MGAT4C: variants seen among roughly 807,000 people sequenced by gnomAD.
MGAT4C encodes alpha-1,3-mannosyl-glycoprotein 4-beta-N-acetylglucosaminyltransferase C.
In MGAT4C, 19 loss-of-function variants were observed where a neutral mutation model predicts 40.1. The observed-to-expected ratio is 0.47, with a 90% CI of 0.33 to 0.70. The LOEUF is 0.70. MGAT4C is among the 30% of genes least tolerant of loss of function. The pLI, the probability that MGAT4C is intolerant of heterozygous loss-of-function variation, is 0.02. For synonymous variants in MGAT4C, 181 were observed against 187.1 expected (o/e 0.97, Z 0.27); for missense variants, 491 against 563.2 (o/e 0.87, Z 1.30).
intron 1 of MGAT4C, among the ~76,000 whole-genome samples, chr12:86,187,697 A>T (rs1288829852): frequency 2.0e-5 from 3 of 151,874 alleles, no homozygotes; most frequent in Admixed American, 6.6e-5. Flanking sequence ...TTCTAATCAG[A>T]CACAATGCTA....
chr12:86,737,321 T>C (rs1328325609), intron 1 of MGAT4C, among the ~76,000 whole-genome samples: 1 of 148,582 alleles, frequency 6.7e-6, no homozygotes, highest in African/African-American at 2.5e-5. Flanking sequence ...GCACCATTGA[T>C]GAGTCTAGCC....
intron 1 of MGAT4C, among the ~76,000 whole-genome samples, chr12:86,750,086 A>T (rs1026827009): frequency 6.6e-6 from 1 of 151,866 alleles, no homozygotes; most frequent in Admixed American, 6.6e-5. Flanking sequence ...AATTTAGACA[A>T]ATGGGAAGAT....
At chr12:86,365,875 T>C (rs1955581875) in intron 3 of MGAT4C, among the ~76,000 whole-genome samples, 1 of 152,172 alleles carries the variant, frequency 6.6e-6, no homozygotes, top group Non-Finnish European at 1.5e-5. Context: ...ATTTCAGCAC[T>C]GTTTTAGTTC....
chr12:86,413,946 G>C (rs1455449919), intron 3 of MGAT4C, among the ~76,000 whole-genome samples: 1 of 152,038 alleles, frequency 6.6e-6, no homozygotes, highest in Admixed American at 6.6e-5. Flanking sequence ...GTTTTGTTCA[G>C]TAACTATTTT....
In MGAT4C at chr12:85,962,057, A is replaced by G. The variant is rs1474542729; in HGVS notation, c.*17232T>C. On this transcript the variant is annotated 3_prime_UTR_variant, in exon 5 of 5. Coordinates refer to ENST00000611864, the MANE Select transcript of MGAT4C (RefSeq NM_001351288.2). ...TCCCCTTAGAAACTCTTAAATCTTC[A>G]ATTTATAAAAGTCATCCTAAGACGT... 1 of 151,904 alleles carries G rather than the reference A, an allele frequency of 6.6e-6. No homozygotes were observed. The highest frequency in any genetic ancestry group is 1.5e-5 in the Non-Finnish European group (1 of 67,816). The allele number at this position is 151,904 out of a possible 1,614,324, so 9.4% of individuals were successfully genotyped here.
chr12:86,073,107 G>A (rs111533535), intron 1 of MGAT4C, among the ~76,000 whole-genome samples: 1 of 152,106 alleles, frequency 6.6e-6, no homozygotes, highest in Non-Finnish European at 1.5e-5. Flanking sequence ...AATCATGGGG[G>A]TGGTTTTCCT....
intron 2 of MGAT4C, among the ~76,000 whole-genome samples, chr12:86,495,048 A>C (rs1431664660): frequency 6.6e-6 from 1 of 152,098 alleles, no homozygotes; most frequent in Non-Finnish European, 1.5e-5. Flanking sequence ...CTTATGATCT[A>C]GCAATTCCAC....
intron 2 of MGAT4C, among the ~76,000 whole-genome samples, chr12:86,726,599 C>T (rs895118797): frequency 6.6e-6 from 1 of 152,080 alleles, no homozygotes; most frequent in Non-Finnish European, 1.5e-5. Context: ...TAGAGTACAA[C>T]TGTAGTGAAT....
intron 1 of MGAT4C, among the ~76,000 whole-genome samples, chr12:86,129,115 A>T (rs1248085603): frequency 6.6e-6 from 1 of 151,536 alleles, no homozygotes; most frequent in Non-Finnish European, 1.5e-5. Flanking sequence ...AGAGAGACTG[A>T]GGGGTTGAGG....
intron 2 of MGAT4C, among the ~76,000 whole-genome samples, chr12:86,509,275 A>G (rs143853007): frequency 5.0e-4 from 76 of 152,324 alleles, no homozygotes; most frequent in African/African-American, 1.7e-3. Flanking sequence ...AGCTTTCTAC[A>G]TATGGCTAGC....
At chr12:86,214,266 G>T (rs1332641560) in intron 1 of MGAT4C, among the ~76,000 whole-genome samples, 2 of 152,054 alleles carry the variant, frequency 1.3e-5, no homozygotes, top group Non-Finnish European at 2.9e-5. Flanking sequence ...GTCATTCTCT[G>T]CTCAGATCAA....
At chr12:86,739,675 T>C (rs964901004) in intron 1 of MGAT4C, among the ~76,000 whole-genome samples, 2 of 151,094 alleles carry the variant, frequency 1.3e-5, no homozygotes, top group Non-Finnish European at 3.0e-5. Context: ...ATTTATACTA[T>C]AAATGAGGAT....
At chr12:86,801,720 G>A (rs1049803676) in intron 1 of MGAT4C, among the ~76,000 whole-genome samples, 1 of 151,794 alleles carries the variant, frequency 6.6e-6, no homozygotes, top group African/African-American at 2.4e-5. Context: ...GATCTGACAT[G>A]TATTACCTTT....
chr12:86,667,175 G>T (rs1964131701), intron 2 of MGAT4C, among the ~76,000 whole-genome samples: 1 of 152,126 alleles, frequency 6.6e-6, no homozygotes, highest in African/African-American at 2.4e-5. Flanking sequence ...AATATTAAGA[G>T]GAGGAGGAAG....
intron 1 of MGAT4C, among the ~76,000 whole-genome samples, chr12:86,123,846 G>A (rs866215884): frequency 7.9e-5 from 12 of 151,966 alleles, no homozygotes; most frequent in African/African-American, 2.7e-4. Flanking sequence ...TACGGACGAA[G>A]GATAGGCTTT....
intron 2 of MGAT4C, among the ~76,000 whole-genome samples, chr12:86,019,245 T>A (rs1889403379): frequency 6.6e-6 from 1 of 152,138 alleles, no homozygotes; most frequent in African/African-American, 2.4e-5. Context: ...CTTTGTTAAA[T>A]CCTCCATAAA....
At chr12:86,114,806 T>A (rs1038949378) in intron 1 of MGAT4C, among the ~76,000 whole-genome samples, 1 of 151,966 alleles carries the variant, frequency 6.6e-6, no homozygotes, top group African/African-American at 2.4e-5. Context: ...GCCTTCATCT[T>A]TCCTTTTTTT....
chr12:86,610,675 G>T (rs1026252477), intron 2 of MGAT4C, among the ~76,000 whole-genome samples: 1 of 151,242 alleles, frequency 6.6e-6, no homozygotes, highest in African/African-American at 2.4e-5. Flanking sequence ...CCATGCTGGT[G>T]TGCTGCACCC....
intron 1 of MGAT4C, among the ~76,000 whole-genome samples, chr12:86,179,138 T>C (rs75133530): frequency 6.6e-5 from 10 of 152,194 alleles, no homozygotes; most frequent in African/African-American, 2.4e-4. Flanking sequence ...TCTTGTGCTA[T>C]TCTAGTGATA....
Sources: gnomAD v4.1 joint callset for allele counts (sites outside exome capture counted in the v4.1 genomes callset) on GRCh38, gnomAD v4.1.1 for gene constraint, MANE v1.5 for transcripts, NCBI Gene and HGNC (gene_info 2026-07-23, HGNC 2026-07-21) for gene names.